The following TRPM3 variants were observed in gnomAD, a reference collection of about 807,000 sequenced individuals.
TRPM3 encodes the protein long transient receptor potential channel 3.
Under a neutral mutation model 181.2 loss-of-function variants are expected in TRPM3, and 77 were observed. The observed-to-expected ratio is 0.42, with a 90% CI of 0.35 to 0.51. TRPM3 has a LOEUF of 0.51. Among genes scored for constraint, TRPM3 ranks in the 20% least tolerant of loss-of-function variants. The pLI is 0.01. For missense variants in TRPM3, 1,759 were observed against 2,196.7 expected, an observed-to-expected ratio of 0.80 and a Z score of 3.98; for synonymous variants, 745 against 796.4, an observed-to-expected ratio of 0.94 and a Z score of 1.09.
intron 1 of TRPM3, among the ~76,000 whole-genome samples, chr9:71,227,593 G>A (rs1487166184): frequency 1.3e-5 from 2 of 151,538 alleles, no homozygotes; most frequent in Non-Finnish European, 2.9e-5. Context: ...CCTTTAGCCA[G>A]ATTAACCAGG....
intron 18 of TRPM3, 31 bp downstream of exon 18, chr9:70,615,877 C>T (rs779029397): frequency 1.3e-6 from 2 of 1,574,614 alleles, no homozygotes; most frequent in Non-Finnish European, 8.6e-7. Context: ...GAATTCTGCC[C>T]ATAGAGAATA....
intron 1 of TRPM3, among the ~76,000 whole-genome samples, chr9:71,243,362 G>A (rs1433931440): frequency 5.3e-5 from 8 of 152,172 alleles, no homozygotes; most frequent in African/African-American, 1.7e-4. Context: ...TTCATACAGA[G>A]GCTCCTTCCA....
At chr9:70,989,981 A>G (rs990991801) in intron 1 of TRPM3, among the ~76,000 whole-genome samples, 20 of 152,140 alleles carry the variant, frequency 1.3e-4, no homozygotes, top group African/African-American at 4.6e-4. Flanking sequence ...AATTTGTTTA[A>G]CTGTCATAAC....
chr9:70,972,102 G>A (rs1267011079), intron 1 of TRPM3, among the ~76,000 whole-genome samples: 1 of 152,026 alleles, frequency 6.6e-6, no homozygotes, highest in Non-Finnish European at 1.5e-5. Context: ...TAAAAGAACT[G>A]AAAACATATT....
chr9:71,246,693 A>G (rs1174297188), intron 1 of TRPM3, among the ~76,000 whole-genome samples: 1 of 152,264 alleles, frequency 6.6e-6, no homozygotes, highest in Non-Finnish European at 1.5e-5. Flanking sequence ...ATGAATAATA[A>G]CAGGATTTAC....
rs531821332 is a variant in TRPM3, at chr9:70,640,728, C to A, written c.1346-68G>T. On this transcript the variant is annotated intron_variant, in intron 9 of 25. Transcript: ENST00000677713. ...CGACGATCAGTTATTACACCAAGAG[C>A]GCCTGCTCCATCCCTCTGCCATTAA... The A allele has an allele frequency of 1.4e-5, 18 of 1,242,586 alleles. No homozygotes were observed. In the South Asian group the frequency reaches 1.9e-4, roughly 13 times the overall value. 77.0% of individuals were successfully genotyped at this position (1,242,586 alleles called of 1,614,324 possible). A position where few individuals can be genotyped will look rare whatever the true frequency, so the allele number is the denominator to read the frequency against.
intron 1 of TRPM3, among the ~76,000 whole-genome samples, chr9:71,418,876 GTA>G (rs1268504799): frequency 3.6e-5 from 5 of 139,866 alleles, no homozygotes; most frequent in African/African-American, 1.0e-4. Context: ...GTATATATGT[GTA>G]TATATATACA....
At chr9:70,661,697 C>T (rs1327230580) in intron 9 of TRPM3, among the ~76,000 whole-genome samples, 1 of 151,830 alleles carries the variant, frequency 6.6e-6, no homozygotes, top group Non-Finnish European at 1.5e-5. Flanking sequence ...AAAAGAAAAC[C>T]TTAGGAATAC....
intron 1 of TRPM3, among the ~76,000 whole-genome samples, chr9:71,227,333 T>C (rs890506337): frequency 6.6e-6 from 1 of 151,912 alleles, no homozygotes; most frequent in Non-Finnish European, 1.5e-5. Flanking sequence ...ACAAAACCTA[T>C]GGGATACAGT....
chr9:71,369,620 A>G (rs7019456), intron 1 of TRPM3, among the ~76,000 whole-genome samples: 150,709 of 152,308 alleles, frequency 0.99, 74,590 homozygotes, highest in East Asian at 1. Context: ...TCTCCTGGGC[A>G]TGGTGCCCAC....
intron 1 of TRPM3, among the ~76,000 whole-genome samples, chr9:71,069,548 T>A (rs953558683): frequency 4.0e-5 from 6 of 151,788 alleles, no homozygotes; most frequent in African/African-American, 1.5e-4. Context: ...GGGGGTGGCA[T>A]GACGGGGATA....
intron 6 of TRPM3, among the ~76,000 whole-genome samples, chr9:70,794,197 T>C (rs1035183220): frequency 6.6e-6 from 1 of 152,094 alleles, no homozygotes; most frequent in African/African-American, 2.4e-5. Context: ...CCAGCATAAC[T>C]CATGATCGTG....
At chr9:71,415,432 A>T (rs1187021572) in intron 1 of TRPM3, among the ~76,000 whole-genome samples, 1 of 152,032 alleles carries the variant, frequency 6.6e-6, no homozygotes, top group African/African-American at 2.4e-5. Flanking sequence ...TCATTCTTTA[A>T]ATACATATAT....
intron 1 of TRPM3, among the ~76,000 whole-genome samples, chr9:71,101,409 C>G (rs2068354192): frequency 6.6e-6 from 1 of 152,084 alleles, no homozygotes; most frequent in Non-Finnish European, 1.5e-5. Context: ...CCAAAGCAAT[C>G]TGAAATGATT....
At chr9:70,866,742 G>A (rs1243572685) in intron 1 of TRPM3, among the ~76,000 whole-genome samples, 1 of 151,980 alleles carries the variant, frequency 6.6e-6, no homozygotes, top group Non-Finnish European at 1.5e-5. Flanking sequence ...TATGTCACAT[G>A]GATAATTCCA....
At chr9:71,312,960 A>G (rs2088120396) in intron 1 of TRPM3, among the ~76,000 whole-genome samples, 1 of 152,170 alleles carries the variant, frequency 6.6e-6, no homozygotes, top group Non-Finnish European at 1.5e-5. Context: ...GTATAGTACT[A>G]CAATGGGAGA....
chr9:71,142,514 A>G (rs1587620208), intron 1 of TRPM3, among the ~76,000 whole-genome samples: 1 of 152,098 alleles, frequency 6.6e-6, no homozygotes, highest in South Asian at 2.1e-4. Flanking sequence ...GTATATACAC[A>G]CATACATATA....
chr9:71,411,197 C>G (rs1193139678), intron 1 of TRPM3, among the ~76,000 whole-genome samples: 1 of 152,216 alleles, frequency 6.6e-6, no homozygotes, highest in Non-Finnish European at 1.5e-5. Flanking sequence ...TGGCACAAGA[C>G]AGTGATGCCG....
At chr9:70,629,155 T>C (rs1281517100) in intron 12 of TRPM3, among the ~76,000 whole-genome samples, 1 of 143,120 alleles carries the variant, frequency 7.0e-6, no homozygotes, top group Non-Finnish European at 1.5e-5. Flanking sequence ...GCTTGATTCT[T>C]TCAGAATGAT....
Sources: allele counts gnomAD v4.1 joint callset (sites outside exome capture counted in the v4.1 genomes callset), GRCh38; gene constraint gnomAD v4.1.1; transcripts MANE v1.5; gene names NCBI Gene and HGNC (gene_info 2026-07-23, HGNC 2026-07-21).